Variants in MAST1 observed in about 807,000 individuals in gnomAD.
The protein encoded by MAST1 is microtubule-associated serine/threonine-protein kinase 1.
In MAST1, 40 loss-of-function variants were observed where a neutral mutation model predicts 124.6. The observed-to-expected ratio is 0.32, with a 90% CI of 0.25 to 0.42. The LOEUF is 0.42. Among genes scored for constraint, MAST1 ranks in the 10% least tolerant of loss-of-function variants. MAST1 has a pLI of 1.00. For synonymous variants in MAST1, 938 were observed against 939.4 expected, an observed-to-expected ratio of 1.00 and a Z score of 0.03; for missense variants, 1,558 against 2,181.9, an observed-to-expected ratio of 0.71 and a Z score of 5.70.
At chr19:12,857,088 AT>A (rs879618860) in intron 10 of MAST1, among the ~76,000 whole-genome samples, 57 of 146,930 alleles carry the variant, frequency 3.9e-4, no homozygotes, top group Middle Eastern at 3.5e-3. Context: ...GAGATTGAGA[AT>A]TTTTTTTTTT....
At position 12,841,742 on chromosome 19, in the gene MAST1, G is replaced by A. The variant is rs1969832520; in HGVS notation, c.248+676G>A. Among the ~76,000 whole-genome samples the A allele has an allele frequency of 6.6e-6, 1 of 152,194 alleles. No individual in the cohort carries two copies. Among genetic ancestry groups the A allele is most frequent in the Non-Finnish European group, 1.5e-5 (1 of 68,038 alleles). The stretch of plus-strand genomic sequence containing the variant: ...CAATGACGTCCTGTCTCTACCCTCT[G>A]AGTCGAATAGGGCAGGCAGGCCAGA... On this transcript the variant is annotated intron_variant, in intron 3 of 25. Coordinates refer to ENST00000251472, the MANE Select transcript of MAST1 (RefSeq NM_014975.3). This position sits in a 1 kb window ranked among gnomAD's most constrained non-coding sequence, Gnocchi z 4.3.
Position 12,874,738 on chromosome 19 carries a change from C to T in MAST1, c.4581C>T (p.Val1527=). ...CACCCAGCAGTGCAGTGACCCCAGT[C>T]CCACCCGCATCCCTCTTGGGCTCAG... ...CSAPSSAVTP[V]PPASLLGSGT... The change falls in exon 26 of 26, where the codon GTC becomes GTT. Residue 1527 remains valine (V), a synonymous_variant. Transcript: ENST00000251472. This position sits in a 1 kb window ranked among gnomAD's most constrained non-coding sequence, Gnocchi z 6.6. The T allele has an allele frequency of 3.1e-6, 5 of 1,601,632 alleles. No individual in the cohort carries two copies. Among genetic ancestry groups the T allele is most frequent in the Non-Finnish European group, 3.4e-6 (4 of 1,170,730 alleles).
Position 12,874,545 on chromosome 19 carries a change from C to T in MAST1, c.4388C>T (p.Pro1463Leu). Residue 1463 changes from proline (P) to leucine (L), a missense_variant, in exon 26 of 26, where the codon CCC becomes CTC. Transcript: ENST00000251472. The surrounding 1 kb of genome is among the most constrained non-coding windows in gnomAD (Gnocchi z 6.6). ...GCGGACTCCAAGGGGTTGCAGGAACCCGCACCCCTGGCGCCTTCCGTGCCC... is the reference window on the plus strand; with the variant it reads ...GCGGACTCCAAGGGGTTGCAGGAACTCGCACCCCTGGCGCCTTCCGTGCCC... ...LGADSKGLQE[P>L]APLAPSVPEA... The T allele has an allele frequency of 6.6e-7, 1 of 1,516,220 alleles. No individual in the cohort carries two copies. The highest frequency in any genetic ancestry group is 1.4e-5 in the African/African-American group (1 of 72,298). The allele number at this position is 1,516,220 out of a possible 1,614,324, so 93.9% of individuals were successfully genotyped here.
chr19:12,839,891 G>A (rs1207839630), intron 1 of MAST1, among the ~76,000 whole-genome samples: 1 of 152,146 alleles, frequency 6.6e-6, no homozygotes. Flanking sequence ...CCGGGCGACA[G>A]AGCGAGACAT....
At chr19:12,873,236 T>C (rs895493234) in intron 24 of MAST1, 88 bp from the exon 25 acceptor site, 21 of 1,302,170 alleles carry the variant, frequency 1.6e-5, no homozygotes, top group Non-Finnish European at 3.2e-6. Flanking sequence ...AAGGGGTGGG[T>C]GGTTACCGTT....
Position 12,858,704 on chromosome 19 carries a change from G to A in MAST1, c.1331G>A (p.Arg444Gln). 6.2e-7 allele frequency: 1 copy of A among 1,614,132 alleles called. No individual in the cohort carries two copies. The highest frequency in any genetic ancestry group is 8.5e-7 in the Non-Finnish European group (1 of 1,180,002). Residue 444 changes from arginine (R) to glutamine (Q), a missense_variant, in exon 12 of 26, where the codon CGG becomes CAG. Physicochemically the swap from Arg to Gln is conservative, Grantham distance 43. Coordinates refer to ENST00000251472, the MANE Select transcript of MAST1 (RefSeq NM_014975.3). ...VVGMFCSFETRRHLCMVMEYV... is the reference protein window; with the variant it reads ...VVGMFCSFETQRHLCMVMEYV... ...GGCATGTTCTGCTCCTTTGAGACTC[G>A]GCGCCACCTCTGCATGGTCATGGAA...
chr19:12,849,861 G>A lies in MAST1; in HGVS notation c.774+1804G>A, dbSNP rs369084114. 4.1e-4 allele frequency among the ~76,000 whole-genome samples: 62 copies of A among 151,558 alleles called. No homozygotes were observed. In the East Asian group the frequency reaches 4.9e-3, roughly 12 times the overall value. On this transcript the variant is annotated intron_variant, in intron 7 of 25. Coordinates refer to ENST00000251472, the MANE Select transcript of MAST1 (RefSeq NM_014975.3). ...CCACTGGGCTGGAGTGCAGTGGTGC[G>A]ATTTTGGCTCACTGCAACCTCCACC...
In MAST1 at chr19:12,868,863, C is replaced by T. The variant is rs1263521613; in HGVS notation, c.2773+14C>T. On this transcript the variant is annotated intron_variant, in intron 21 of 25. Transcript: ENST00000251472. ...TGATTCCTGCAGGTAATGCTGGGCCCCACCTGGCAGGGGAGGGGCTGCCCC... is the reference window on the plus strand; with the variant it reads ...TGATTCCTGCAGGTAATGCTGGGCCTCACCTGGCAGGGGAGGGGCTGCCCC... The T allele has an allele frequency of 1.3e-6, 2 of 1,563,712 alleles. No homozygotes were observed. The highest frequency in any genetic ancestry group is 1.7e-6 in the Non-Finnish European group (2 of 1,151,690).
At chr19:12,871,802 A>G (rs1184297656) in intron 24 of MAST1, among the ~76,000 whole-genome samples, 1 of 151,232 alleles carries the variant, frequency 6.6e-6, no homozygotes, top group Non-Finnish European at 1.5e-5. Flanking sequence ...CTGTGGTCTC[A>G]GCTACTCGGA....
chr19:12,867,878 C>T lies in MAST1; in HGVS notation c.2467C>T (p.Pro823Ser), dbSNP rs373621251. ...DEDEARLRRP[P>S]RPSSDPAGSL... ...GGATGAGGCCCGGCTGCGCAGGCCT[C>T]CCCGGCCCAGCTCCGACCCCGCGGG... Residue 823 changes from proline to serine, a missense_variant, in exon 20 of 26, where the codon CCC becomes TCC. This residue lies in a region of MAST1 where 287 missense variants were observed against 308.0 expected (regional missense o/e 0.93). Transcript: ENST00000251472. 69 of 1,606,782 alleles carry T rather than the reference C, an allele frequency of 4.3e-5. No individual in the cohort carries two copies. The highest frequency in any genetic ancestry group is 5.7e-5 in the Non-Finnish European group (67 of 1,177,144).
chr19:12,851,540 G>T (rs1290058149), intron 7 of MAST1, among the ~76,000 whole-genome samples: 3 of 152,126 alleles, frequency 2.0e-5, no homozygotes, highest in Admixed American at 2.0e-4. Context: ...AGGCTGGAGT[G>T]CAGTGGTGTG....
intron 25 of MAST1, 23 bp from the exon 26 acceptor site, chr19:12,873,586 G>C (rs367904798): frequency 1.9e-6 from 3 of 1,578,596 alleles, no homozygotes; most frequent in Non-Finnish European, 1.7e-6. Flanking sequence ...GTACTCACTC[G>C]CTTCACCTCC....
intron 22 of MAST1, among the ~76,000 whole-genome samples, chr19:12,869,585 G>A (rs539012165): frequency 2.6e-5 from 4 of 151,984 alleles, no homozygotes; most frequent in African/African-American, 4.8e-5. Context: ...AGACAGGCGC[G>A]CGCCACCACG....
chr19:12,852,711 T>G (rs1031691652), intron 10 of MAST1, among the ~76,000 whole-genome samples: 1 of 150,716 alleles, frequency 6.6e-6, no homozygotes, highest in Non-Finnish European at 1.5e-5. Context: ...TAGCCAAGCC[T>G]GGTGGCACAT....
rs1969825577 is a variant in MAST1, at chr19:12,841,352, C to T, written c.248+286C>T. Among the ~76,000 whole-genome samples, 1 of 152,268 alleles carries T rather than the reference C, an allele frequency of 6.6e-6. No homozygotes were observed. The highest frequency in any genetic ancestry group is 6.5e-5 in the Admixed American group (1 of 15,292). On this transcript the variant is annotated intron_variant, in intron 3 of 25. Transcript: ENST00000251472. The surrounding 1 kb of genome is among the most constrained non-coding windows in gnomAD (Gnocchi z 4.3). ...GGGGTCTTAGTCTCTCCGAGCCTTG[C>T]TCTCCTGGCCAGGTGTTTCCATAGC...
At position 12,843,737 on chromosome 19, in the gene MAST1, A is replaced by G; in HGVS notation, c.327+130A>G. The G allele has an allele frequency of 1.4e-6, 1 of 732,162 alleles. No homozygotes were observed. The allele number at this position is 732,162 out of a possible 1,614,324, so 45.4% of individuals were successfully genotyped here. On this transcript the variant is annotated intron_variant, in intron 4 of 25. Transcript: ENST00000251472. The surrounding 1 kb of genome is among the most constrained non-coding windows in gnomAD (Gnocchi z 4.9). ...AGTTTAGGGCCAGGCTCAGTGACTC[A>G]AGCCTGTAATCCCAGTACTTTGGGA...
chr19:12,855,154 A>G (rs1428529809), intron 10 of MAST1, among the ~76,000 whole-genome samples: 1 of 152,174 alleles, frequency 6.6e-6, no homozygotes, highest in East Asian at 1.9e-4. Flanking sequence ...GAACTGCTGG[A>G]ACCAGGGAGA....
At chr19:12,849,124 G>A (rs1408481108) in intron 7 of MAST1, 1 of 152,908 alleles carries the variant, frequency 6.5e-6, no homozygotes, top group Non-Finnish European at 1.5e-5. Context: ...CCCCATAGTT[G>A]GTGAGGGTGG....
chr19:12,869,091 T>C lies in MAST1; in HGVS notation c.2799T>C (p.Leu933=). Residue 933 remains leucine, a synonymous_variant, in exon 22 of 26, where the codon CTT becomes CTC. Coordinates refer to ENST00000251472, the MANE Select transcript of MAST1 (RefSeq NM_014975.3). ...TGGACCCACATGGAAGTTCACCCCTTGCTAGTCCCATGTCTCCACGATCTC... is the reference window on the plus strand; with the variant it reads ...TGGACCCACATGGAAGTTCACCCCTCGCTAGTCCCATGTCTCCACGATCTC... ...PAVDPHGSSP[L]ASPMSPRSLS... 1 of 1,614,176 alleles carries C rather than the reference T, an allele frequency of 6.2e-7. No homozygotes were observed. The highest frequency in any genetic ancestry group is 8.5e-7 in the Non-Finnish European group (1 of 1,180,034).
Sources: gnomAD v4.1 joint callset for allele counts (sites outside exome capture counted in the v4.1 genomes callset) on GRCh38, gnomAD v4.1.1 for gene constraint, gnomAD v4.1.1 regional missense constraint, Gnocchi (gnomAD v3.1) non-coding constraint, MANE v1.5 for transcripts, NCBI Gene and HGNC (gene_info 2026-07-23, HGNC 2026-07-21) for gene names.